Variants in BANP observed in about 807,000 individuals in gnomAD.
The protein encoded by BANP is BTG3 associated nuclear protein, also known as protein BANP.
BANP carries 11 observed loss-of-function variants against 68.1 expected under a neutral mutation model. The observed-to-expected ratio is 0.16, with a 90% CI of 0.10 to 0.27. BANP has a LOEUF of 0.27. Among genes scored for constraint, BANP ranks in the 10% least tolerant of loss-of-function variants. The pLI is 1.00. For synonymous variants in BANP, 329 were observed against 303.2 expected (o/e 1.09, Z -0.88); for missense variants, 504 against 722.7 (o/e 0.70, Z 3.47).
At chr16:88,047,062 T>A (rs1419897895) in intron 11 of BANP, among the ~76,000 whole-genome samples, 1 of 140,408 alleles carries the variant, frequency 7.1e-6, no homozygotes, top group Non-Finnish European at 1.5e-5. Flanking sequence ...CGAGACTCCG[T>A]CTCAAAAAAG....
rs6540144 is a variant in BANP at position 88,013,625 on chromosome 16, A to G, written c.656-4803A>G. On this transcript the variant is annotated intron_variant, in intron 6 of 13. Transcript: ENST00000682872. Reference sequence around the variant, plus strand: ...CCTGCACCCGTCAGAGCTCAGCAGGACTTTGTGCTTTCCTGGTGCAGGAGG... The same window carrying G: ...CCTGCACCCGTCAGAGCTCAGCAGGGCTTTGTGCTTTCCTGGTGCAGGAGG... 2.0e-5 allele frequency among the ~76,000 whole-genome samples: 3 copies of G among 152,236 alleles called. No homozygotes were observed. The East Asian group carries it at 5.8e-4, about 29-fold the overall frequency.
intron 7 of BANP, among the ~76,000 whole-genome samples, chr16:88,025,348 G>C (rs2076784526): frequency 2.0e-5 from 3 of 152,226 alleles, no homozygotes. Context: ...GGGTTCCTCT[G>C]TGAGTCACTA....
intron 5 of BANP, among the ~76,000 whole-genome samples, chr16:88,005,610 G>T (rs1173837336): frequency 2.0e-5 from 3 of 152,212 alleles, no homozygotes; most frequent in South Asian, 2.1e-4. Context: ...TTTAAGCCCC[G>T]TCAGGGTTTT....
chr16:88,039,113 G>A lies in BANP; in HGVS notation c.1311+1102G>A, dbSNP rs202183084. Among the ~76,000 whole-genome samples, 5 of 152,142 alleles carry A rather than the reference G, an allele frequency of 3.3e-5. No individual in the cohort carries two copies. The East Asian group carries it at 9.6e-4, about 29-fold the overall frequency. On this transcript the variant is annotated intron_variant, in intron 11 of 13. Transcript: ENST00000682872. ...ACCCCTCAGAGGCACCTTGGGAGAA[G>A]GGCTGCAGACCCTCCAGAACTGGTT...
intron 13 of BANP, among the ~76,000 whole-genome samples, chr16:88,075,907 G>A (rs567033375): frequency 1.4e-4 from 20 of 143,226 alleles, no homozygotes; most frequent in African/African-American, 5.0e-4. Flanking sequence ...CCGCCACACC[G>A]GCTAATTTTT....
At chr16:87,985,075 C>T (rs1567664599) in intron 4 of BANP, among the ~76,000 whole-genome samples, 1 of 152,190 alleles carries the variant, frequency 6.6e-6, no homozygotes, top group South Asian at 2.1e-4. Flanking sequence ...GAATGGGAGC[C>T]GCAACAAGCC....
At chr16:88,072,672 C>G (rs1045829432) in intron 13 of BANP, among the ~76,000 whole-genome samples, 1 of 152,258 alleles carries the variant, frequency 6.6e-6, no homozygotes, top group African/African-American at 2.4e-5. Context: ...GATGGCCCAG[C>G]GGGCCCAGGC....
intron 6 of BANP, among the ~76,000 whole-genome samples, chr16:88,008,071 G>T (rs4843295): frequency 6.6e-6 from 1 of 151,966 alleles, no homozygotes; most frequent in African/African-American, 2.4e-5. Context: ...GCTCATCTCC[G>T]TCCTCGTGGA....
At chr16:87,972,187 A>G (rs1465907994) in intron 1 of BANP, among the ~76,000 whole-genome samples, 1 of 150,832 alleles carries the variant, frequency 6.6e-6, no homozygotes, top group African/African-American at 2.4e-5. Flanking sequence ...CATCTCTTTC[A>G]TTTCTTTTTT....
At chr16:88,044,150 G>C (rs2081422779) in intron 11 of BANP, among the ~76,000 whole-genome samples, 1 of 152,220 alleles carries the variant, frequency 6.6e-6, no homozygotes, top group Non-Finnish European at 1.5e-5. Context: ...TCCCTATAAA[G>C]GCCAACTCGC....
At chr16:88,055,839 C>T (rs2084863414) in intron 11 of BANP, among the ~76,000 whole-genome samples, 1 of 152,102 alleles carries the variant, frequency 6.6e-6, no homozygotes, top group East Asian at 1.9e-4. Context: ...AAAACACAAG[C>T]AGAAATCTTG....
intron 3 of BANP, among the ~76,000 whole-genome samples, chr16:87,983,135 GGA>G (rs1471812248): frequency 9.2e-5 from 14 of 152,164 alleles, no homozygotes; most frequent in African/African-American, 3.1e-4. Flanking sequence ...GGGCAGGAAA[GGA>G]GAGAGAAAAG....
At position 88,003,545 on chromosome 16, in the gene BANP, G is replaced by C. The variant is rs574374160; in HGVS notation, c.363-750G>C. 2 of 456,196 alleles carry C rather than the reference G, an allele frequency of 4.4e-6. No individual in the cohort carries two copies. The highest frequency in any genetic ancestry group is 8.8e-6 in the Non-Finnish European group (2 of 226,938). The allele number at this position is 456,196 out of a possible 1,614,324, so 28.3% of individuals were successfully genotyped here. On this transcript the variant is annotated intron_variant, in intron 4 of 13. Transcript: ENST00000682872. The surrounding 1 kb of genome is among the most constrained non-coding windows in gnomAD (Gnocchi z 6.1). Reference sequence around the variant, plus strand: ...CCAGAAAGTGCTAAGGCTTAAAAACGCATGATTGAAAACTGTGGGTGAGTC... The same window carrying C: ...CCAGAAAGTGCTAAGGCTTAAAAACCCATGATTGAAAACTGTGGGTGAGTC...
chr16:87,995,070 GA>G (rs2066825791), intron 4 of BANP, among the ~76,000 whole-genome samples: 2 of 152,194 alleles, frequency 1.3e-5, no homozygotes, highest in South Asian at 4.1e-4. Flanking sequence ...GGAGAGGCGT[GA>G]AAAGGTGCAT....
chr16:88,037,657 T>A lies in BANP; in HGVS notation c.1273-316T>A, dbSNP rs865997591. 6 of 386,468 alleles carry A rather than the reference T, an allele frequency of 1.6e-5. No homozygotes were observed. In the East Asian group the frequency reaches 3.5e-4, roughly 23 times the overall value. 23.9% of individuals were successfully genotyped at this position (386,468 alleles called of 1,614,324 possible). A position where few individuals can be genotyped will look rare whatever the true frequency, so the allele number is the denominator to read the frequency against. Reference sequence around the variant, plus strand: ...CACATAGGACGTCTCTCTGCTACTTTCTGTACTTTTTGTGAGTCAGATTCT... The same window carrying A: ...CACATAGGACGTCTCTCTGCTACTTACTGTACTTTTTGTGAGTCAGATTCT... On this transcript the variant is annotated intron_variant, in intron 10 of 13. Transcript: ENST00000682872.
chr16:88,019,837 G>T (rs1437083032), intron 7 of BANP, among the ~76,000 whole-genome samples: 1 of 152,178 alleles, frequency 6.6e-6, no homozygotes, highest in Non-Finnish European at 1.5e-5. Context: ...GAAGGGCTCC[G>T]CTGTTCCGTA....
In BANP at chr16:88,003,738, C is replaced by T; in HGVS notation, c.363-557C>T. 3.0e-6 allele frequency: 1 copy of T among 334,710 alleles called. No individual in the cohort carries two copies. Among genetic ancestry groups the T allele is most frequent in the East Asian group, 8.1e-5 (1 of 12,396 alleles). The allele number at this position is 334,710 out of a possible 1,614,324, so 20.7% of individuals were successfully genotyped here. A position where few individuals can be genotyped will look rare whatever the true frequency, so the allele number is the denominator to read the frequency against. The stretch of plus-strand genomic sequence containing the variant: ...CTTTGGTTGTAGCTCACACATGTTC[C>T]TGCAGGACCTGGAGGCAGCATGTGT... On this transcript the variant is annotated intron_variant, in intron 4 of 13. Transcript: ENST00000682872. This position sits in a 1 kb window ranked among gnomAD's most constrained non-coding sequence, Gnocchi z 6.1.
intron 11 of BANP, among the ~76,000 whole-genome samples, chr16:88,042,503 G>T (rs1482268519): frequency 6.6e-6 from 1 of 152,196 alleles, no homozygotes; most frequent in Non-Finnish European, 1.5e-5. Flanking sequence ...TGTCTTTATT[G>T]TTCTTTTTGA....
At chr16:87,981,193 T>G in intron 3 of BANP, 66 bp downstream of exon 3, 1 of 1,162,048 alleles carries the variant, frequency 8.6e-7, no homozygotes, top group East Asian at 2.4e-5. Context: ...CTATAACAAA[T>G]CACCATCAAT....
Sources: gnomAD v4.1 joint callset for allele counts (sites outside exome capture counted in the v4.1 genomes callset) on GRCh38, gnomAD v4.1.1 for gene constraint, Gnocchi (gnomAD v3.1) non-coding constraint, MANE v1.5 for transcripts, NCBI Gene and HGNC (gene_info 2026-07-23, HGNC 2026-07-21) for gene names.